The following ADARB1 variants were observed in gnomAD, a reference collection of about 807,000 sequenced individuals.
ADARB1 encodes the protein double-stranded RNA-specific editase 1.
ADARB1 carries 10 observed loss-of-function variants against 52.4 expected under a neutral mutation model. The ratio of observed to expected loss-of-function variants is 0.19; its 90% CI spans 0.12 to 0.32. The LOEUF is 0.32. Among genes scored for constraint, ADARB1 ranks in the 10% least tolerant of loss-of-function variants. The probability of loss-of-function intolerance (pLI) is 1.00; values close to 1 mark genes in which losing one functional copy is unlikely to be tolerated. For synonymous variants in ADARB1, 349 were observed against 371.1 expected, an observed-to-expected ratio of 0.94 and a Z score of 0.68; for missense variants, 643 against 922.3, an observed-to-expected ratio of 0.70 and a Z score of 3.92.
chr21:45,156,750 G>A (rs2090677882), intron 2 of ADARB1, among the ~76,000 whole-genome samples: 1 of 152,102 alleles, frequency 6.6e-6, no homozygotes, highest in African/African-American at 2.4e-5. Context: ...GGCACCAGGG[G>A]TTTGAACATG....
At chr21:45,206,957 A>T (rs1226868147) in intron 9 of ADARB1, among the ~76,000 whole-genome samples, 1 of 152,168 alleles carries the variant, frequency 6.6e-6, no homozygotes, top group African/African-American at 2.4e-5. Context: ...TGCCGAGCTG[A>T]TTCAGCAGCA....
At chr21:45,080,988 A>AT (rs1335179073) in intron 1 of ADARB1, among the ~76,000 whole-genome samples, 12 of 152,054 alleles carry the variant, frequency 7.9e-5, no homozygotes, top group Non-Finnish European at 1.5e-4. Context: ...TGATTATTTG[A>AT]TTTTTTCAGG....
chr21:45,205,817 A>G (rs1202647098), intron 9 of ADARB1, among the ~76,000 whole-genome samples: 1 of 152,154 alleles, frequency 6.6e-6, no homozygotes, highest in Non-Finnish European at 1.5e-5. Context: ...TAAAACCATA[A>G]TCCTAACCTG....
chr21:45,108,823 CATGGCTGGAAGGTACCTGATACAG>C (rs1439877400), intron 1 of ADARB1, among the ~76,000 whole-genome samples: 5 of 145,194 alleles, frequency 3.4e-5, no homozygotes, highest in Non-Finnish European at 6.0e-5. Flanking sequence ...TCATAAGTCA[CATGGCTGGAAGGTACCTGATACAG>C]ATTAAACACA....
intron 1 of ADARB1, among the ~76,000 whole-genome samples, chr21:45,082,725 C>A (rs1401131199): frequency 6.6e-6 from 1 of 152,176 alleles, no homozygotes; most frequent in African/African-American, 2.4e-5. Context: ...TCATGATGAT[C>A]TTAGGATGTT....
At position 45,225,202 on chromosome 21, in the gene ADARB1, G is replaced by C; in HGVS notation, c.*3005G>C. The C allele has an allele frequency of 2.8e-6, 3 of 1,059,482 alleles. No individual in the cohort carries two copies. Among genetic ancestry groups the C allele is most frequent in the South Asian group, 9.1e-5 (2 of 21,948 alleles). 65.6% of individuals were successfully genotyped at this position (1,059,482 alleles called of 1,614,324 possible). Reference sequence around the variant, plus strand: ...GCTAGTGGGAGGTCTCAGGTGGGGCGGTGTGTTCTGTGCCATGAGGCAGCG... The same window carrying C: ...GCTAGTGGGAGGTCTCAGGTGGGGCCGTGTGTTCTGTGCCATGAGGCAGCG... On this transcript the variant is annotated 3_prime_UTR_variant, in exon 11 of 11. Transcript: ENST00000348831.
chr21:45,211,021 A>T (rs1449724315), intron 9 of ADARB1, among the ~76,000 whole-genome samples: 1 of 152,222 alleles, frequency 6.6e-6, no homozygotes, highest in Non-Finnish European at 1.5e-5. Context: ...AAGGACTGTT[A>T]TGTGGCCAGA....
intron 1 of ADARB1, among the ~76,000 whole-genome samples, chr21:45,095,539 G>C (rs906366084): frequency 1.3e-5 from 2 of 152,142 alleles, no homozygotes; most frequent in Non-Finnish European, 2.9e-5. Flanking sequence ...CCATCCCGCT[G>C]TTTCAGGGTT....
At chr21:45,211,095 C>G (rs184087628) in intron 9 of ADARB1, among the ~76,000 whole-genome samples, 1 of 152,338 alleles carries the variant, frequency 6.6e-6, no homozygotes, top group East Asian at 1.9e-4. Flanking sequence ...CAAGGCACTT[C>G]CGAGCTGGCA....
intron 1 of ADARB1, among the ~76,000 whole-genome samples, chr21:45,127,719 A>T (rs1449141066): frequency 2.6e-5 from 4 of 151,582 alleles, no homozygotes; most frequent in African/African-American, 9.7e-5. Context: ...CCCTGGACAC[A>T]CCTCCCAGAG....
In ADARB1 at chr21:45,157,034, T is replaced by C. The variant is rs555439144; in HGVS notation, c.-47-14576T>C. Among the ~76,000 whole-genome samples the C allele has an allele frequency of 6.6e-6, 1 of 152,310 alleles. No individual in the cohort carries two copies. The highest frequency in any genetic ancestry group is 1.9e-4 in the East Asian group (1 of 5,178). Reference sequence around the variant, plus strand: ...GAACCCCCAGTGGACAGCAGCGTTATGGATAGAAGGCCCAGATCTCCTAGA... The same window carrying C: ...GAACCCCCAGTGGACAGCAGCGTTACGGATAGAAGGCCCAGATCTCCTAGA... On this transcript the variant is annotated intron_variant, in intron 2 of 10. Transcript: ENST00000348831. The surrounding 1 kb of genome is among the most constrained non-coding windows in gnomAD (Gnocchi z 4.1).
chr21:45,201,973 G>A (rs538403755), intron 8 of ADARB1, among the ~76,000 whole-genome samples: 1 of 152,302 alleles, frequency 6.6e-6, no homozygotes, highest in South Asian at 2.1e-4. Flanking sequence ...CAAGCAGCAA[G>A]GAGGTCCCTG....
intron 2 of ADARB1, among the ~76,000 whole-genome samples, chr21:45,147,693 A>C (rs2090074547): frequency 6.6e-6 from 1 of 152,080 alleles, no homozygotes; most frequent in African/African-American, 2.4e-5. Context: ...CTGGCCCCAG[A>C]GCTGTGGGTC....
At chr21:45,113,689 G>A (rs1422490340) in intron 1 of ADARB1, among the ~76,000 whole-genome samples, 1 of 151,956 alleles carries the variant, frequency 6.6e-6, no homozygotes, top group Non-Finnish European at 1.5e-5. Context: ...TCTGATACTT[G>A]AGCAGCCCTG....
chr21:45,163,684 G>A (rs958310317), intron 2 of ADARB1, among the ~76,000 whole-genome samples: 3 of 152,246 alleles, frequency 2.0e-5, no homozygotes, highest in Non-Finnish European at 2.9e-5. Flanking sequence ...AGTAGCACAT[G>A]TGTGACCTCC....
intron 1 of ADARB1, among the ~76,000 whole-genome samples, chr21:45,093,347 C>T (rs1601297835): frequency 1.3e-5 from 2 of 152,180 alleles, no homozygotes; most frequent in African/African-American, 2.4e-5. Context: ...CAACTCCAGG[C>T]GAGGGCACAC....
At chr21:45,169,104 C>T (rs569613652) in intron 2 of ADARB1, among the ~76,000 whole-genome samples, 3 of 152,314 alleles carry the variant, frequency 2.0e-5, no homozygotes, top group East Asian at 1.9e-4. Flanking sequence ...CTGGCAGCAC[C>T]GGCTAGCGTC....
intron 8 of ADARB1, among the ~76,000 whole-genome samples, chr21:45,201,806 G>T (rs1337874818): frequency 6.6e-6 from 1 of 152,156 alleles, no homozygotes; most frequent in African/African-American, 2.4e-5. Context: ...CGGCAGGGAA[G>T]GGAGACCTCA....
At chr21:45,211,701 G>C (rs2092771422) in intron 9 of ADARB1, among the ~76,000 whole-genome samples, 1 of 152,200 alleles carries the variant, frequency 6.6e-6, no homozygotes, top group African/African-American at 2.4e-5. Context: ...TAAAAGTTCT[G>C]ATTCAGCACA....
Sources: allele counts gnomAD v4.1 joint callset (sites outside exome capture counted in the v4.1 genomes callset), GRCh38; gene constraint gnomAD v4.1.1; non-coding constraint Gnocchi (gnomAD v3.1); transcripts MANE v1.5; gene names NCBI Gene and HGNC (gene_info 2026-07-23, HGNC 2026-07-21).